The following KCNH8 variants were observed in gnomAD, a reference collection of about 807,000 sequenced individuals.
KCNH8 encodes the protein voltage-gated delayed rectifier potassium channel KCNH8.
In KCNH8, 70 loss-of-function variants were observed where a neutral mutation model predicts 103.6. The ratio of observed to expected loss-of-function variants is 0.68; its 90% CI spans 0.56 to 0.82. The LOEUF (loss-of-function observed/expected upper bound fraction) is 0.82. Among genes scored for constraint, KCNH8 ranks in the 40% least tolerant of loss-of-function variants. KCNH8 has a pLI of 0.00. For synonymous variants in KCNH8, 498 were observed against 489.4 expected (o/e 1.02, Z -0.23); for missense variants, 1,217 against 1,329.9 (o/e 0.92, Z 1.32).
intron 3 of KCNH8, among the ~76,000 whole-genome samples, chr3:19,305,490 G>A (rs2065118537): frequency 6.6e-6 from 1 of 152,084 alleles, no homozygotes; most frequent in Admixed American, 6.6e-5. Flanking sequence ...TGAGAGCTAC[G>A]AACTAGGTTC....
intron 11 of KCNH8, among the ~76,000 whole-genome samples, chr3:19,495,700 T>G (rs1318716400): frequency 6.6e-6 from 1 of 151,890 alleles, no homozygotes; most frequent in African/African-American, 2.4e-5. Flanking sequence ...TTTTTTAGTT[T>G]TGTACAAATT....
At chr3:19,401,604 G>A (rs942433185) in intron 7 of KCNH8, among the ~76,000 whole-genome samples, 2 of 151,780 alleles carry the variant, frequency 1.3e-5, no homozygotes, top group Non-Finnish European at 2.9e-5. Context: ...ATATTTCCAC[G>A]TTTTAGAAGT....
At chr3:19,468,115 A>T (rs1441555354) in intron 11 of KCNH8, among the ~76,000 whole-genome samples, 1 of 152,142 alleles carries the variant, frequency 6.6e-6, no homozygotes, top group Admixed American at 6.6e-5. Context: ...TTTTCATGGC[A>T]TTTAGCAGGA....
intron 1 of KCNH8, among the ~76,000 whole-genome samples, chr3:19,161,883 AG>A (rs1205338827): frequency 6.6e-6 from 1 of 152,322 alleles, no homozygotes; most frequent in East Asian, 1.9e-4. Context: ...GTGGTGAATT[AG>A]GTACAGTAAT....
At chr3:19,492,774 G>T (rs1488077253) in intron 11 of KCNH8, among the ~76,000 whole-genome samples, 1 of 151,420 alleles carries the variant, frequency 6.6e-6, no homozygotes, top group Non-Finnish European at 1.5e-5. Flanking sequence ...GCTTTGGCCA[G>T]CATGGTCATT....
chr3:19,377,713 TATG>T (rs1277375972), intron 5 of KCNH8, among the ~76,000 whole-genome samples: 2 of 152,170 alleles, frequency 1.3e-5, no homozygotes, highest in African/African-American at 4.8e-5. Flanking sequence ...AAAACTTATT[TATG>T]AGTGCTGCCA....
chr3:19,235,238 A>G (rs1370789392), intron 1 of KCNH8, among the ~76,000 whole-genome samples: 3 of 152,216 alleles, frequency 2.0e-5, no homozygotes, highest in African/African-American at 4.8e-5. Context: ...TCAATGTGAT[A>G]GATTTCAAAA....
intron 7 of KCNH8, among the ~76,000 whole-genome samples, chr3:19,429,899 G>GT (rs1359142946): frequency 7.2e-5 from 11 of 152,132 alleles, no homozygotes; most frequent in Non-Finnish European, 1.5e-4. Context: ...ACTTGATCTT[G>GT]TTTTTTTATG....
At chr3:19,230,705 A>G (rs1420046181) in intron 1 of KCNH8, among the ~76,000 whole-genome samples, 1 of 151,914 alleles carries the variant, frequency 6.6e-6, no homozygotes, top group Non-Finnish European at 1.5e-5. Context: ...TGTGCTCAAG[A>G]AAAAACAGAT....
chr3:19,513,535 A>C (rs2068823516), intron 13 of KCNH8, among the ~76,000 whole-genome samples: 1 of 152,088 alleles, frequency 6.6e-6, no homozygotes, highest in Non-Finnish European at 1.5e-5. Flanking sequence ...CAAAATACTA[A>C]ATGTTCAGAA....
At chr3:19,287,695 C>T (rs953798293) in intron 3 of KCNH8, among the ~76,000 whole-genome samples, 2 of 152,144 alleles carry the variant, frequency 1.3e-5, no homozygotes, top group Non-Finnish European at 2.9e-5. Flanking sequence ...AAGTGATTCT[C>T]CTGCCTCAGC....
chr3:19,285,475 C>G (rs1167674605), intron 3 of KCNH8, among the ~76,000 whole-genome samples: 1 of 152,042 alleles, frequency 6.6e-6, no homozygotes, highest in African/African-American at 2.4e-5. Flanking sequence ...ATAATATATG[C>G]AATTCACGTA....
intron 5 of KCNH8, among the ~76,000 whole-genome samples, chr3:19,377,780 G>C (rs2066231985): frequency 6.6e-6 from 1 of 152,164 alleles, no homozygotes; most frequent in Non-Finnish European, 1.5e-5. Flanking sequence ...ATGATAAAAG[G>C]TCACATTTTG....
At chr3:19,240,629 A>C (rs1419372905) in intron 1 of KCNH8, among the ~76,000 whole-genome samples, 1 of 150,754 alleles carries the variant, frequency 6.6e-6, no homozygotes, top group Admixed American at 6.6e-5. Context: ...AAAAAAAAAC[A>C]AAAAAAACTT....
intron 1 of KCNH8, among the ~76,000 whole-genome samples, chr3:19,204,005 A>T (rs2063688695): frequency 6.6e-6 from 1 of 152,122 alleles, no homozygotes; most frequent in Non-Finnish European, 1.5e-5. Context: ...ATTGAATAGT[A>T]CATTTTATTG....
chr3:19,289,485 C>T (rs2125280346), intron 3 of KCNH8, among the ~76,000 whole-genome samples: 1 of 152,266 alleles, frequency 6.6e-6, no homozygotes, highest in African/African-American at 2.4e-5. Flanking sequence ...AATAGGGAAT[C>T]CTCTCCCCAT....
intron 1 of KCNH8, among the ~76,000 whole-genome samples, chr3:19,177,622 T>C (rs2063413037): frequency 1.3e-5 from 2 of 152,012 alleles, no homozygotes. Flanking sequence ...AATACATGTG[T>C]ATTATTTTTA....
intron 3 of KCNH8, among the ~76,000 whole-genome samples, chr3:19,334,339 T>A (rs2065553075): frequency 1.3e-5 from 2 of 152,204 alleles, no homozygotes; most frequent in South Asian, 4.2e-4. Context: ...TTATTTCCCA[T>A]CACAAAAGCA....
intron 11 of KCNH8, among the ~76,000 whole-genome samples, chr3:19,506,192 G>C (rs2068689451): frequency 6.6e-6 from 1 of 152,110 alleles, no homozygotes; most frequent in Non-Finnish European, 1.5e-5. Context: ...AACCCTTGCT[G>C]GGGAACTAGT....
Sources: gnomAD v4.1 joint callset for allele counts (sites outside exome capture counted in the v4.1 genomes callset) on GRCh38, gnomAD v4.1.1 for gene constraint, MANE v1.5 for transcripts, NCBI Gene and HGNC (gene_info 2026-07-23, HGNC 2026-07-21) for gene names.